Variants in ATP8A2 observed in about 807,000 individuals in gnomAD.
ATP8A2 encodes the protein ATPase phospholipid transporting 8A2, also known as phospholipid-transporting ATPase IB.
ATP8A2 carries 100 observed loss-of-function variants against 165.6 expected under a neutral mutation model. The ratio of observed to expected loss-of-function variants is 0.60; its 90% CI spans 0.51 to 0.71. The LOEUF is 0.71. Ranked by LOEUF, ATP8A2 falls within the 30% of genes least tolerant of loss-of-function variation. The probability of loss-of-function intolerance (pLI) is 0.00; values close to 1 mark genes in which losing one functional copy is unlikely to be tolerated. For synonymous variants in ATP8A2, 543 were observed against 548.8 expected (o/e 0.99, Z 0.15); for missense variants, 1,227 against 1,479.5 (o/e 0.83, Z 2.80).
intron 33 of ATP8A2, among the ~76,000 whole-genome samples, chr13:25,894,176 G>A (rs1183164071): frequency 6.6e-6 from 1 of 151,978 alleles, no homozygotes; most frequent in Non-Finnish European, 1.5e-5. Flanking sequence ...GGTCTAACAT[G>A]TAAGTCTTTA....
At chr13:25,724,842 C>A (rs1029552525) in intron 25 of ATP8A2, among the ~76,000 whole-genome samples, 1 of 152,170 alleles carries the variant, frequency 6.6e-6, no homozygotes, top group Non-Finnish European at 1.5e-5. Flanking sequence ...TGAGTGAGAA[C>A]AATCAGTATA....
At chr13:25,853,396 A>AAAATATATATAT (rs1555278504) in intron 30 of ATP8A2, among the ~76,000 whole-genome samples, 1 of 107,866 alleles carries the variant, frequency 9.3e-6, no homozygotes, top group African/African-American at 3.5e-5. Flanking sequence ...ATCTAAAAAA[A>AAAATATATATAT]ATATATATAT....
chr13:25,459,058 G>C lies in ATP8A2; in HGVS notation c.77-9919G>C, dbSNP rs75486648. Among the ~76,000 whole-genome samples, 64 of 152,308 alleles carry C rather than the reference G, an allele frequency of 4.2e-4. No individual in the cohort carries two copies. In the East Asian group the frequency reaches 0.011, roughly 25 times the overall value. On this transcript the variant is annotated intron_variant, in intron 1 of 36. Transcript: ENST00000381655. Reference sequence around the variant, plus strand: ...AGGGGACCAGGGATGTCATTCTGCAGACCAGAGGAGGCAGAAGGCATTTAT... The same window carrying C: ...AGGGGACCAGGGATGTCATTCTGCACACCAGAGGAGGCAGAAGGCATTTAT...
At chr13:25,536,747 G>A (rs1257178109) in intron 6 of ATP8A2, among the ~76,000 whole-genome samples, 1 of 152,144 alleles carries the variant, frequency 6.6e-6, no homozygotes, top group African/African-American at 2.4e-5. Flanking sequence ...TACTAGTAAT[G>A]GTCTTCTGGT....
intron 24 of ATP8A2, among the ~76,000 whole-genome samples, chr13:25,694,310 A>G (rs1233269624): frequency 6.6e-6 from 1 of 152,184 alleles, no homozygotes; most frequent in African/African-American, 2.4e-5. Context: ...GGATCCACGC[A>G]TAAGTCCAGT....
At chr13:25,633,318 T>C (rs1472022840) in intron 24 of ATP8A2, among the ~76,000 whole-genome samples, 1 of 152,170 alleles carries the variant, frequency 6.6e-6, no homozygotes, top group African/African-American at 2.4e-5. Flanking sequence ...CTCGGCAGTC[T>C]GCTTTTAAGG....
At chr13:25,469,188 T>C in intron 2 of ATP8A2, 67 bp downstream of exon 2, 7 of 1,565,734 alleles carry the variant, frequency 4.5e-6, no homozygotes, top group Non-Finnish European at 6.1e-6. Flanking sequence ...CTCGTCCTCC[T>C]GCGCGGGGCT....
chr13:25,775,442 C>G lies in ATP8A2; in HGVS notation c.2679+483C>G, dbSNP rs528845350. Reference sequence around the variant, plus strand: ...GCATCCATTCACTGCTTCTGGGATACTTGGACACTGGTACTTACGTGGGAA... The same window carrying G: ...GCATCCATTCACTGCTTCTGGGATAGTTGGACACTGGTACTTACGTGGGAA... On this transcript the variant is annotated intron_variant, in intron 27 of 36. Coordinates refer to ENST00000381655, the MANE Select transcript of ATP8A2 (RefSeq NM_016529.6). Among the ~76,000 whole-genome samples the G allele has an allele frequency of 5.9e-5, 9 of 152,322 alleles. No homozygotes were observed. The South Asian group carries it at 1.7e-3, about 28-fold the overall frequency.
intron 36 of ATP8A2, among the ~76,000 whole-genome samples, chr13:26,018,902 CTT>C (rs997337902): frequency 2.0e-5 from 3 of 152,172 alleles, no homozygotes; most frequent in African/African-American, 7.2e-5. Flanking sequence ...AGCACAGTGT[CTT>C]AGACACATGG....
At chr13:25,452,903 T>G (rs972619277) in intron 1 of ATP8A2, among the ~76,000 whole-genome samples, 1 of 151,968 alleles carries the variant, frequency 6.6e-6, no homozygotes, top group African/African-American at 2.4e-5. Flanking sequence ...GAGACCAGCC[T>G]GGGCAACATG....
intron 33 of ATP8A2, among the ~76,000 whole-genome samples, chr13:25,886,577 C>T (rs1309466315): frequency 3.3e-5 from 5 of 152,264 alleles, no homozygotes; most frequent in Admixed American, 2.6e-4. Flanking sequence ...TTCACCCGCT[C>T]CATGTGCGCT....
chr13:25,465,739 C>CTTT (rs1566153629), intron 1 of ATP8A2, among the ~76,000 whole-genome samples: 4 of 18,286 alleles, frequency 2.2e-4, no homozygotes, highest in South Asian at 2.6e-3. Flanking sequence ...TTCTTTCTTT[C>CTTT]CCTCCCTCCC....
chr13:25,558,597 C>A (rs1004912787), intron 13 of ATP8A2, among the ~76,000 whole-genome samples: 3 of 152,074 alleles, frequency 2.0e-5, no homozygotes, highest in Non-Finnish European at 2.9e-5. Flanking sequence ...TTTGGAAGAC[C>A]ACTGAGAAAC....
chr13:25,531,893 G>A (rs2038125768), intron 4 of ATP8A2, among the ~76,000 whole-genome samples: 1 of 152,266 alleles, frequency 6.6e-6, no homozygotes, highest in Middle Eastern at 3.4e-3. Flanking sequence ...AACACTTCTA[G>A]TCCCGAGCAT....
chr13:25,939,464 C>G (rs1200437568), intron 33 of ATP8A2, among the ~76,000 whole-genome samples: 1 of 152,176 alleles, frequency 6.6e-6, no homozygotes, highest in South Asian at 2.1e-4. Context: ...TTGCTCAGGC[C>G]TCTCTTCTGG....
chr13:25,965,138 C>T (rs77152232), intron 34 of ATP8A2, among the ~76,000 whole-genome samples: 6,948 of 152,224 alleles, frequency 0.046, 204 homozygotes, highest in East Asian at 0.11. Flanking sequence ...CCAGCCTGGG[C>T]GACAGAGTGA....
chr13:25,897,315 A>G (rs1418401197), intron 33 of ATP8A2, among the ~76,000 whole-genome samples: 4 of 152,184 alleles, frequency 2.6e-5, no homozygotes, highest in African/African-American at 9.7e-5. Context: ...TGGATATGAA[A>G]TTCTGGGTTG....
intron 8 of ATP8A2, among the ~76,000 whole-genome samples, chr13:25,541,570 T>C (rs1172532808): frequency 1.3e-5 from 2 of 152,214 alleles, no homozygotes; most frequent in African/African-American, 2.4e-5. Flanking sequence ...ATTGGAGGGC[T>C]ACTCTATTCT....
intron 2 of ATP8A2, among the ~76,000 whole-genome samples, chr13:25,512,338 C>G (rs1454783005): frequency 2.0e-5 from 3 of 152,060 alleles, no homozygotes; most frequent in Non-Finnish European, 4.4e-5. Context: ...CCTTTCCCCC[C>G]TTTCTATTCC....
Sources: gnomAD v4.1 joint callset for allele counts (sites outside exome capture counted in the v4.1 genomes callset) on GRCh38, gnomAD v4.1.1 for gene constraint, MANE v1.5 for transcripts, NCBI Gene and HGNC (gene_info 2026-07-23, HGNC 2026-07-21) for gene names.